Variants in TTC12 observed in about 807,000 individuals in gnomAD.
TTC12 encodes the protein tetratricopeptide repeat domain 12, also known as tetratricopeptide repeat protein 12.
Under a neutral mutation model 90.1 loss-of-function variants are expected in TTC12, and 70 were observed. The ratio of observed to expected loss-of-function variants is 0.78; its 90% CI spans 0.64 to 0.95. The LOEUF (loss-of-function observed/expected upper bound fraction) is 0.95. TTC12 is among the 40% of genes least tolerant of loss of function. The probability of loss-of-function intolerance (pLI) is 0.00; values close to 1 mark genes in which losing one functional copy is unlikely to be tolerated. For missense variants in TTC12, 819 were observed against 846.1 expected, an observed-to-expected ratio of 0.97 and a Z score of 0.40; for synonymous variants, 296 against 311.5, an observed-to-expected ratio of 0.95 and a Z score of 0.53.
At chr11:113,354,416 G>T (rs1949502643) in intron 16 of TTC12, among the ~76,000 whole-genome samples, 3 of 152,132 alleles carry the variant, frequency 2.0e-5, no homozygotes, top group Admixed American at 6.5e-5. Context: ...AACAGAGGTA[G>T]TTTGACTTTT....
chr11:113,318,010 T>C (rs782734608), intron 2 of TTC12, among the ~76,000 whole-genome samples: 13 of 152,216 alleles, frequency 8.5e-5, no homozygotes, highest in Non-Finnish European at 1.5e-4. Flanking sequence ...TTCTGTGTGT[T>C]TGTGGCTGCA....
intron 13 of TTC12, among the ~76,000 whole-genome samples, chr11:113,348,549 C>T (rs1313837435): frequency 5.3e-5 from 8 of 152,192 alleles, no homozygotes; most frequent in African/African-American, 1.9e-4. Flanking sequence ...CTGCTCCAAT[C>T]CAGCCTCCAC....
intron 2 of TTC12, among the ~76,000 whole-genome samples, chr11:113,321,684 G>T (rs10891534): frequency 4.6e-5 from 7 of 152,078 alleles, no homozygotes; most frequent in Admixed American, 2.0e-4. Context: ...GGTTGGCCAT[G>T]TGTGTTGCTT....
At chr11:113,365,581 C>A (rs547040647) in intron 21 of TTC12, 2 of 183,766 alleles carry the variant, frequency 1.1e-5, no homozygotes, top group Non-Finnish European at 2.4e-5. Flanking sequence ...CCCCAGTGAG[C>A]GAGGGCAAGA....
chr11:113,346,987 G>A (rs2138019939), intron 13 of TTC12, among the ~76,000 whole-genome samples: 1 of 152,210 alleles, frequency 6.6e-6, no homozygotes, highest in South Asian at 2.1e-4. Flanking sequence ...GGTATGTGAG[G>A]AAATAGAAAG....
At position 113,364,891 on chromosome 11, in the gene TTC12, G is replaced by A. The variant is rs551751449; in HGVS notation, c.1873G>A (p.Ala625Thr). Residue 625 changes from alanine to threonine, a missense_variant, in exon 21 of 22, where the codon GCT becomes ACT. By Grantham distance (58) the Ala-to-Thr change is moderately conservative. Transcript: ENST00000529221. ...GGAGGATGAGGTTCTGGTGGGCAAC[G>A]CTGCCCTCTGCCTTGGTAACTGCAT... is the stretch of plus-strand genomic sequence containing the variant. ...SSEDEVLVGNAALCLGNCMEV... is the reference protein window; with the variant it reads ...SSEDEVLVGNTALCLGNCMEV... The A allele has an allele frequency of 5.9e-5, 96 of 1,614,204 alleles. 1 individual carries two copies. The South Asian group carries it at 9.8e-4, about 16-fold the overall frequency.
Position 113,364,924 on chromosome 11 carries a change from C to A in TTC12, c.1906C>A (p.Pro636Thr). 1 of 1,614,142 alleles carries A rather than the reference C, an allele frequency of 6.2e-7. No individual in the cohort carries two copies. Among genetic ancestry groups the A allele is most frequent in the Non-Finnish European group, 8.5e-7 (1 of 1,180,012 alleles). Residue 636 changes from proline (P) to threonine (T), a missense_variant, in exon 21 of 22, where the codon CCC becomes ACC. Transcript: ENST00000529221. ...ALCLGNCMEV[P>T]NVASSLLKTD... is the part of the protein sequence containing the mutation. ...CTGCCTTGGTAACTGCATGGAGGTG[C>A]CCAACGTTGCGTCTTCCCTGCTAAA...
At chr11:113,323,780 C>G (rs999806105) in intron 3 of TTC12, among the ~76,000 whole-genome samples, 3 of 152,190 alleles carry the variant, frequency 2.0e-5, no homozygotes, top group Middle Eastern at 3.4e-3. Flanking sequence ...ACCTGGGCAG[C>G]CTTGTTTTGC....
chr11:113,324,151 A>G (rs1947535323), intron 4 of TTC12, 136 bp downstream of exon 4: 3 of 668,370 alleles, frequency 4.5e-6, no homozygotes, highest in Admixed American at 2.9e-5. Flanking sequence ...TGATCATCCC[A>G]TTCTGTTACT....
intron 6 of TTC12, among the ~76,000 whole-genome samples, chr11:113,326,087 T>C (rs1947677771): frequency 6.6e-6 from 1 of 152,178 alleles, no homozygotes; most frequent in African/African-American, 2.4e-5. Context: ...TCTCATTCAT[T>C]GTATCAGTCT....
At chr11:113,349,890 C>T (rs1361754751) in intron 13 of TTC12, among the ~76,000 whole-genome samples, 183 bp from the exon 14 acceptor site, 3 of 152,166 alleles carry the variant, frequency 2.0e-5, no homozygotes. Flanking sequence ...GAGCCAACCA[C>T]TTAAGAGTAT....
At chr11:113,368,540 C>T, downstream of TTC12, 1 of 1,511,632 alleles carries the variant, frequency 6.6e-7, no homozygotes, top group South Asian at 1.2e-5. Context: ...CGGGATGGAA[C>T]TCCATCACCA....
intron 15 of TTC12, 87 bp from the exon 16 acceptor site, chr11:113,351,983 T>C: frequency 6.7e-7 from 1 of 1,488,172 alleles, no homozygotes; most frequent in South Asian, 1.3e-5. Flanking sequence ...TTCGTGGGCC[T>C]TTTGGTGAGT....
intron 6 of TTC12, among the ~76,000 whole-genome samples, chr11:113,326,793 A>C (rs1357274866): frequency 6.6e-6 from 1 of 152,220 alleles, no homozygotes; most frequent in African/African-American, 2.4e-5. Flanking sequence ...TTACCCGAAC[A>C]AGATTATAAA....
Position 113,344,509 on chromosome 11 carries a change from G to A in TTC12, c.1154+69G>A, listed in dbSNP as rs1299311065. The A allele has an allele frequency of 3.4e-6, 5 of 1,459,870 alleles. No homozygotes were observed. The African/African-American group carries it at 4.2e-5, about 12-fold the overall frequency. The allele number at this position is 1,459,870 out of a possible 1,614,324, so 90.4% of individuals were successfully genotyped here. A position where few individuals can be genotyped will look rare whatever the true frequency, so the allele number is the denominator to read the frequency against. ...TCACTTGACAAGTTCAGGCATGCCTGTCTCCCCTCCTATCTCTGTTGTGTG... is the reference window on the plus strand; with the variant it reads ...TCACTTGACAAGTTCAGGCATGCCTATCTCCCCTCCTATCTCTGTTGTGTG... On this transcript the variant is annotated intron_variant, in intron 13 of 21. Transcript: ENST00000529221.
intron 6 of TTC12, among the ~76,000 whole-genome samples, chr11:113,327,367 A>C (rs1027511282): frequency 1.3e-5 from 2 of 152,204 alleles, no homozygotes; most frequent in Admixed American, 1.3e-4. Context: ...ACCATTGACT[A>C]TTTTTAAAAT....
intron 13 of TTC12, among the ~76,000 whole-genome samples, chr11:113,349,131 G>A (rs549223411): frequency 1.3e-5 from 2 of 152,302 alleles, no homozygotes; most frequent in Admixed American, 6.5e-5. Context: ...TGGTCAAATG[G>A]ATAAACGAAT....
chr11:113,340,841 C>T lies in TTC12; in HGVS notation c.896+108C>T, dbSNP rs377466756. On this transcript the variant is annotated intron_variant, in intron 11 of 21. Coordinates refer to ENST00000529221, the MANE Select transcript of TTC12 (RefSeq NM_017868.4). ...ACAGTCACGTTTCTGAACATTACCC[C>T]CCTTCAGTCAGTAGTGGGGGGCTCT... 1.2e-5 allele frequency: 11 copies of T among 934,522 alleles called. No individual in the cohort carries two copies. The Middle Eastern group carries it at 6.3e-4, about 54-fold the overall frequency. 57.9% of individuals were successfully genotyped at this position (934,522 alleles called of 1,614,324 possible).
At chr11:113,357,736 A>T (rs1050802997) in intron 16 of TTC12, among the ~76,000 whole-genome samples, 22 of 152,208 alleles carry the variant, frequency 1.4e-4, no homozygotes, top group African/African-American at 5.3e-4. Context: ...GGATGCTCTA[A>T]CTCTGAGGGA....
Sources: gnomAD v4.1 joint callset for allele counts (sites outside exome capture counted in the v4.1 genomes callset) on GRCh38, gnomAD v4.1.1 for gene constraint, MANE v1.5 for transcripts, NCBI Gene and HGNC (gene_info 2026-07-23, HGNC 2026-07-21) for gene names.